Variants in USP15 observed in about 807,000 individuals in gnomAD.
USP15 encodes ubiquitin carboxyl-terminal hydrolase 15.
Under a neutral mutation model 127.1 loss-of-function variants are expected in USP15, and 18 were observed. That is an observed-to-expected ratio of 0.14 (90% CI 0.10 to 0.21). USP15 has a LOEUF of 0.21. Ranked by LOEUF, USP15 falls within the 10% of genes least tolerant of loss-of-function variation. The probability of loss-of-function intolerance (pLI) is 1.00; values close to 1 mark genes in which losing one functional copy is unlikely to be tolerated. For synonymous variants in USP15, 364 were observed against 393.7 expected (o/e 0.92, Z 0.89); for missense variants, 805 against 1,159.9 (o/e 0.69, Z 4.44).
At chr12:62,262,612 G>A (rs1395261862) in intron 1 of USP15, among the ~76,000 whole-genome samples, 5 of 142,514 alleles carry the variant, frequency 3.5e-5, no homozygotes, top group African/African-American at 5.5e-5. Context: ...TTTCAAATAA[G>A]TATATTTTTG....
At chr12:62,336,730 T>C (rs1170260781) in intron 6 of USP15, 1 of 160,910 alleles carries the variant, frequency 6.2e-6, no homozygotes, top group Non-Finnish European at 1.3e-5. Flanking sequence ...ACTATCTGAC[T>C]GAATAGAGGA....
intron 7 of USP15, among the ~76,000 whole-genome samples, chr12:62,350,883 C>T (rs973519604): frequency 1.3e-5 from 2 of 152,154 alleles, no homozygotes; most frequent in Non-Finnish European, 2.9e-5. Flanking sequence ...GCCTCAGCCT[C>T]CCAAGTGCTG....
rs758259570 is a variant in USP15 at position 62,404,419 on chromosome 12, G to T, written c.*44G>T. On this transcript the variant is annotated 3_prime_UTR_variant, in exon 22 of 22. Coordinates refer to ENST00000280377, the MANE Select transcript of USP15 (RefSeq NM_001252078.2). Reference sequence around the variant, plus strand: ...TAAAAGAGACACTTTCCTGCTGGTGGTATCTATGGAAATGATGAAGTTACC... The same window carrying T: ...TAAAAGAGACACTTTCCTGCTGGTGTTATCTATGGAAATGATGAAGTTACC... 3.3e-6 allele frequency: 5 copies of T among 1,498,688 alleles called. No individual in the cohort carries two copies. The Admixed American group carries it at 6.8e-5, about 20-fold the overall frequency. The allele number at this position is 1,498,688 out of a possible 1,614,324, so 92.8% of individuals were successfully genotyped here.
chr12:62,403,202 C>T lies in USP15; in HGVS notation c.2764-991C>T, dbSNP rs138659002. On this transcript the variant is annotated intron_variant, in intron 21 of 21. Coordinates refer to ENST00000280377, the MANE Select transcript of USP15 (RefSeq NM_001252078.2). ...GATTTAGGTTATACATTTGAGTTGT[C>T]AGCCTCAGGCAGCAGTTGAAGCCAT... is the stretch of plus-strand genomic sequence containing the variant. Among the ~76,000 whole-genome samples the T allele has an allele frequency of 9.4e-4, 143 of 152,078 alleles. 1 individual carries two copies. Among genetic ancestry groups the T allele is most frequent in the Non-Finnish European group, 1.6e-3 (110 of 67,936 alleles).
At chr12:62,261,494 A>G (rs572741982) in intron 1 of USP15, among the ~76,000 whole-genome samples, 15 of 152,298 alleles carry the variant, frequency 9.8e-5, no homozygotes, top group African/African-American at 3.6e-4. Flanking sequence ...AGAGTGTTTC[A>G]GTATGGCATA....
chr12:62,340,118 G>T (rs956489699), intron 6 of USP15, among the ~76,000 whole-genome samples: 1 of 152,110 alleles, frequency 6.6e-6, no homozygotes, highest in Non-Finnish European at 1.5e-5. Context: ...TCTGGGGAGG[G>T]TGTATGTGTC....
chr12:62,311,701 G>C (rs1341226075), intron 3 of USP15, among the ~76,000 whole-genome samples: 1 of 151,674 alleles, frequency 6.6e-6, no homozygotes, highest in Non-Finnish European at 1.5e-5. Flanking sequence ...ATCCTGTTCA[G>C]AGTGAGTGTA....
intron 6 of USP15, among the ~76,000 whole-genome samples, chr12:62,326,333 A>C (rs1299602642): frequency 6.6e-6 from 1 of 152,166 alleles, no homozygotes; most frequent in Non-Finnish European, 1.5e-5. Flanking sequence ...TTAGAATAAA[A>C]AAGAACAAAT....
In USP15 at chr12:62,391,364, A is replaced by G. The variant is rs760044338; in HGVS notation, c.2168A>G (p.Asp723Gly). ...CAGTTCAACAACTTAGGCAATACTG[A>G]TATCAACTACATCAAAGATGATACC... ...TFQFNNLGNT[D>G]INYIKDDTRH... The change falls in exon 16 of 22, where the codon GAT (aspartate) becomes GGT (glycine). Residue 723 changes from aspartate to glycine, a missense_variant. Asp to Gly is a moderately conservative substitution (Grantham distance 94). Transcript: ENST00000280377. The G allele has an allele frequency of 6.2e-7, 1 of 1,613,204 alleles. No individual in the cohort carries two copies. Among genetic ancestry groups the G allele is most frequent in the Non-Finnish European group, 8.5e-7 (1 of 1,179,574 alleles).
At chr12:62,377,430 C>T (rs188112757) in intron 8 of USP15, among the ~76,000 whole-genome samples, 11 of 152,280 alleles carry the variant, frequency 7.2e-5, no homozygotes, top group Non-Finnish European at 1.0e-4. Context: ...CTTTAAGAAA[C>T]TGGCTTCAGC....
chr12:62,398,151 C>T (rs1470942813), intron 20 of USP15, among the ~76,000 whole-genome samples: 1 of 151,830 alleles, frequency 6.6e-6, no homozygotes, highest in Non-Finnish European at 1.5e-5. Context: ...CCACCACACC[C>T]AGCTAATTTT....
intron 8 of USP15, among the ~76,000 whole-genome samples, chr12:62,371,106 T>G (rs977554163): frequency 2.0e-5 from 3 of 152,196 alleles, no homozygotes; most frequent in Admixed American, 1.3e-4. Context: ...GCTTCCAAAT[T>G]TATTGTTTTA....
rs371318898 is a variant in USP15 at position 62,346,942 on chromosome 12, A to G, written c.684-2279A>G. ...TGTAATACTCTTTTACTTCCCACCTATCCCTCTAATTGTACGTCATTTTTA... is the reference window on the plus strand; with the variant it reads ...TGTAATACTCTTTTACTTCCCACCTGTCCCTCTAATTGTACGTCATTTTTA... On this transcript the variant is annotated intron_variant, in intron 6 of 21. Coordinates refer to ENST00000280377, the MANE Select transcript of USP15 (RefSeq NM_001252078.2). Among the ~76,000 whole-genome samples the G allele has an allele frequency of 2.6e-5, 4 of 151,982 alleles. No individual in the cohort carries two copies. In the East Asian group the frequency reaches 7.7e-4, roughly 29 times the overall value.
chr12:62,388,682 T>G (rs966091845), intron 11 of USP15, among the ~76,000 whole-genome samples: 3 of 152,142 alleles, frequency 2.0e-5, no homozygotes, highest in African/African-American at 7.2e-5. Flanking sequence ...ATGTAGGGCC[T>G]GGATGGAAGG....
rs577027798 is a variant in USP15, at chr12:62,356,193, A to T, written c.915+718A>T. On this transcript the variant is annotated intron_variant, in intron 8 of 21. Coordinates refer to ENST00000280377, the MANE Select transcript of USP15 (RefSeq NM_001252078.2). ...ATGGCAAACCATTTTTGATATTTGA[A>T]TTTTAACCTTTTTTTCGTCAGTCTC... is the stretch of plus-strand genomic sequence containing the variant. Among the ~76,000 whole-genome samples, 19 of 151,870 alleles carry T rather than the reference A, an allele frequency of 1.3e-4. 1 individual carries two copies. In the South Asian group the frequency reaches 3.9e-3, roughly 32 times the overall value.
intron 1 of USP15, among the ~76,000 whole-genome samples, chr12:62,264,048 C>T (rs976283926): frequency 3.9e-5 from 6 of 152,050 alleles, no homozygotes; most frequent in African/African-American, 4.8e-5. Flanking sequence ...GAGTACAGTG[C>T]GTGGTCTCGG....
At chr12:62,342,781 C>A (rs1229990940) in intron 6 of USP15, among the ~76,000 whole-genome samples, 1 of 152,130 alleles carries the variant, frequency 6.6e-6, no homozygotes, top group African/African-American at 2.4e-5. Flanking sequence ...AAGCTTCGTC[C>A]CAGAGGGGCA....
intron 1 of USP15, among the ~76,000 whole-genome samples, chr12:62,287,083 T>C (rs974084620): frequency 1.3e-5 from 2 of 152,140 alleles, no homozygotes; most frequent in Non-Finnish European, 2.9e-5. Flanking sequence ...GACCAAATAC[T>C]GTGTGTTCTC....
At chr12:62,337,171 C>A (rs11174430) in intron 6 of USP15, among the ~76,000 whole-genome samples, 1 of 152,146 alleles carries the variant, frequency 6.6e-6, no homozygotes, top group Admixed American at 6.5e-5. Flanking sequence ...AATTCTTCAT[C>A]GAAAGCCCAA....
Sources: gnomAD v4.1 joint callset for allele counts (sites outside exome capture counted in the v4.1 genomes callset) on GRCh38, gnomAD v4.1.1 for gene constraint, MANE v1.5 for transcripts, NCBI Gene and HGNC (gene_info 2026-07-23, HGNC 2026-07-21) for gene names.